The following PCNX1 variants were observed in gnomAD, a reference collection of about 807,000 sequenced individuals.
The protein encoded by PCNX1 is pecanex-like protein 1.
A neutral mutation model predicts 242.2 loss-of-function variants in PCNX1; 78 were observed. The ratio of observed to expected loss-of-function variants is 0.32; its 90% CI spans 0.27 to 0.39. The LOEUF (loss-of-function observed/expected upper bound fraction) is 0.39. PCNX1 is among the 10% of genes least tolerant of loss of function. PCNX1 has a pLI of 1.00. For missense variants in PCNX1, 2,581 were observed against 2,856.5 expected (o/e 0.90, Z 2.20); for synonymous variants, 1,024 against 1,032.9 (o/e 0.99, Z 0.17).
intron 28 of PCNX1, among the ~76,000 whole-genome samples, chr14:71,079,184 CT>C (rs2061789753): frequency 1.3e-5 from 2 of 152,232 alleles, no homozygotes; most frequent in South Asian, 4.1e-4. Context: ...TGAACTCATC[CT>C]TTTTTATGGC....
intron 33 of PCNX1, 83 bp from the exon 34 acceptor site, chr14:71,108,521 G>A: frequency 1.8e-6 from 2 of 1,113,424 alleles, no homozygotes; most frequent in Non-Finnish European, 2.6e-6. Context: ...TTGCTTAGGG[G>A]AAAAAGTCTT....
rs1244189613 is a variant in PCNX1, at chr14:70,977,154, T to G, written c.817T>G (p.Ser273Ala). The G allele has an allele frequency of 6.2e-7, 1 of 1,614,176 alleles. No individual in the cohort carries two copies. Among genetic ancestry groups the G allele is most frequent in the Admixed American group, 1.7e-5 (1 of 60,016 alleles). ...VASLVPLHSH[S>A]YRKDHRPRGV... The stretch of plus-strand genomic sequence containing the variant: ...TTCTCTTGTACCTTTACACTCACAC[T>G]CTTATAGAAAAGACCACCGGCCGCG... The change falls in exon 6 of 36, where the codon TCT (serine) becomes GCT (alanine). Residue 273 changes from serine to alanine, a missense_variant. Ser to Ala is a moderately conservative substitution (Grantham distance 99). Transcript: ENST00000304743.
At chr14:70,971,119 T>TAAAACTTGC (rs1566638406) in intron 5 of PCNX1, among the ~76,000 whole-genome samples, 2 of 3,482 alleles carry the variant, frequency 5.7e-4, no homozygotes, top group Admixed American at 3.8e-3. Context: ...TATATAGTTT[T>TAAAACTTGC]TTTTTTTTTT....
intron 9 of PCNX1, among the ~76,000 whole-genome samples, chr14:71,010,711 G>A (rs2059799466): frequency 6.6e-6 from 1 of 152,008 alleles, no homozygotes; most frequent in Admixed American, 6.5e-5. Context: ...CCCCTCAAGA[G>A]TTACTGATTC....
intron 2 of PCNX1, among the ~76,000 whole-genome samples, chr14:70,954,394 T>A (rs1395989737): frequency 6.6e-6 from 1 of 152,192 alleles, no homozygotes; most frequent in Admixed American, 6.5e-5. Flanking sequence ...CTTGGCTCTT[T>A]GATTTTTGAT....
intron 20 of PCNX1, among the ~76,000 whole-genome samples, chr14:71,045,710 T>A (rs1185969479): frequency 2.0e-5 from 3 of 152,202 alleles, no homozygotes; most frequent in Non-Finnish European, 2.9e-5. Context: ...TCTTTGTTCC[T>A]GTTTCTGCCA....
At chr14:71,089,364 A>C in intron 30 of PCNX1, 22 bp downstream of exon 30, 1 of 1,575,316 alleles carries the variant, frequency 6.3e-7, no homozygotes, top group Non-Finnish European at 8.7e-7. Context: ...AGATTTTTCT[A>C]ATTCATTACT....
At chr14:70,994,278 G>A (rs1284557446) in intron 7 of PCNX1, among the ~76,000 whole-genome samples, 2 of 151,592 alleles carry the variant, frequency 1.3e-5, no homozygotes, top group Non-Finnish European at 2.9e-5. Flanking sequence ...TGTAGTTACT[G>A]AGCATTTGAA....
intron 1 of PCNX1, among the ~76,000 whole-genome samples, chr14:70,922,132 T>C (rs902679815): frequency 6.6e-6 from 1 of 152,174 alleles, no homozygotes; most frequent in Non-Finnish European, 1.5e-5. Context: ...ATGTACACTT[T>C]TATGGTATGG....
intron 5 of PCNX1, among the ~76,000 whole-genome samples, chr14:70,971,142 TTTTTTTTTTTTTTG>T (rs1403834161): frequency 1.6e-4 from 1 of 6,426 alleles, no homozygotes; most frequent in Non-Finnish European, 3.3e-4. Context: ...TTTTTTTTTT[TTTTTTTTTTTTTTG>T]AGACGGAGTC....
chr14:70,974,547 A>G (rs1226750924), intron 5 of PCNX1, among the ~76,000 whole-genome samples: 1 of 152,202 alleles, frequency 6.6e-6, no homozygotes, highest in African/African-American at 2.4e-5. Context: ...TATTTATAGG[A>G]CATTGTTATA....
chr14:71,019,193 A>G, intron 12 of PCNX1, 31 bp downstream of exon 12: 1 of 1,549,104 alleles, frequency 6.5e-7, no homozygotes, highest in South Asian at 1.2e-5. Flanking sequence ...CATGCTACGG[A>G]ATTATATTTG....
chr14:70,929,815 G>A (rs147025225), intron 1 of PCNX1, among the ~76,000 whole-genome samples: 201 of 152,268 alleles, frequency 1.3e-3, no homozygotes, highest in African/African-American at 4.5e-3. Flanking sequence ...AGAAACTTCT[G>A]TTGCTAAAAA....
chr14:71,069,803 C>T (rs973981930), intron 26 of PCNX1, among the ~76,000 whole-genome samples: 1 of 152,180 alleles, frequency 6.6e-6, no homozygotes, highest in Non-Finnish European at 1.5e-5. Context: ...TGGCTGCTAA[C>T]TGGTCAGGTT....
intron 2 of PCNX1, among the ~76,000 whole-genome samples, chr14:70,950,677 A>T (rs1382932946): frequency 6.6e-6 from 1 of 152,032 alleles, no homozygotes; most frequent in African/African-American, 2.4e-5. Flanking sequence ...TCATTGTTTA[A>T]TATTGTTTAA....
At chr14:71,055,419 A>G in intron 24 of PCNX1, 85 bp from the exon 25 acceptor site, 1 of 771,082 alleles carries the variant, frequency 1.3e-6, no homozygotes, top group Non-Finnish European at 2.2e-6. Context: ...TATTTTATAC[A>G]TTTCCTATAG....
At chr14:71,102,784 A>G (rs761818198) in intron 31 of PCNX1, among the ~76,000 whole-genome samples, 1 of 152,164 alleles carries the variant, frequency 6.6e-6, no homozygotes, top group Non-Finnish European at 1.5e-5. Flanking sequence ...GGCAGGTCTT[A>G]TATATTTTAT....
chr14:71,022,041 A>G (rs1056829496), intron 12 of PCNX1, among the ~76,000 whole-genome samples: 5 of 152,166 alleles, frequency 3.3e-5, no homozygotes, highest in Non-Finnish European at 5.9e-5. Context: ...ACATTTTAAA[A>G]ATAGCAAATT....
intron 16 of PCNX1, among the ~76,000 whole-genome samples, chr14:71,029,094 T>A (rs975587344): frequency 6.6e-6 from 1 of 152,210 alleles, no homozygotes; most frequent in East Asian, 1.9e-4. Flanking sequence ...GAATATGAAA[T>A]CAATTTTAAA....
Sources: allele counts gnomAD v4.1 joint callset (sites outside exome capture counted in the v4.1 genomes callset), GRCh38; gene constraint gnomAD v4.1.1; transcripts MANE v1.5; gene names NCBI Gene and HGNC (gene_info 2026-07-23, HGNC 2026-07-21).